The following TSPEAR variants were observed in gnomAD, a reference collection of about 807,000 sequenced individuals.
The protein encoded by TSPEAR is thrombospondin-type laminin G domain and EAR repeat-containing protein.
Under a neutral mutation model 71.6 loss-of-function variants are expected in TSPEAR, and 69 were observed. That is an observed-to-expected ratio of 0.96 (90% CI 0.79 to 1.18). TSPEAR has a LOEUF of 1.18. Among genes scored for constraint, TSPEAR ranks in the 50% most tolerant of loss-of-function variants. The probability of loss-of-function intolerance (pLI) is 0.00; values close to 1 mark genes in which losing one functional copy is unlikely to be tolerated. For missense variants in TSPEAR, 971 were observed against 894.9 expected (o/e 1.09, Z -1.09); for synonymous variants, 402 against 387.2 (o/e 1.04, Z -0.45).
Position 44,499,849 on chromosome 21 carries a change from A to G in TSPEAR, c.1944T>C (p.Gly648=). Residue 648 remains glycine, a synonymous_variant, in exon 12 of 12, where the codon GGT becomes GGC. Coordinates refer to ENST00000323084, the MANE Select transcript of TSPEAR (RefSeq NM_144991.3). ...TGGCGCTGGAGTAGATGAGGTAGGC[A>G]CCAGCCGTGGTGCTGAAGGCCTCCC... The part of the protein sequence containing the change: ...RDWEAFSTTA[G]AYLIYSSAKE... The G allele has an allele frequency of 6.3e-7, 1 of 1,598,778 alleles. No individual in the cohort carries two copies. The highest frequency in any genetic ancestry group is 8.5e-7 in the Non-Finnish European group (1 of 1,173,962).
chr21:44,612,088 T>C lies in TSPEAR; in HGVS notation c.83-44083A>G. On this transcript the variant is annotated intron_variant, in intron 1 of 11. Transcript: ENST00000323084. The surrounding 1 kb of genome is among the most constrained non-coding windows in gnomAD (Gnocchi z 4.1). ...TCACACCAGCACTCACACCACCCAGTCCAGCACCCACCATGGCTGACGCCT... is the reference window on the plus strand; with the variant it reads ...TCACACCAGCACTCACACCACCCAGCCCAGCACCCACCATGGCTGACGCCT... The C allele has an allele frequency of 6.2e-7, 1 of 1,611,308 alleles. No homozygotes were observed. Among genetic ancestry groups the C allele is most frequent in the Non-Finnish European group, 8.5e-7 (1 of 1,178,500 alleles).
chr21:44,538,405 C>T (rs920430462), intron 2 of TSPEAR, among the ~76,000 whole-genome samples: 3 of 141,586 alleles, frequency 2.1e-5, no homozygotes, highest in Middle Eastern at 7.1e-3. Context: ...TGTCCCTACA[C>T]CTGTGTGGAA....
At chr21:44,596,124 C>A (rs1912433466) in intron 1 of TSPEAR, among the ~76,000 whole-genome samples, 1 of 152,184 alleles carries the variant, frequency 6.6e-6, no homozygotes, top group Non-Finnish European at 1.5e-5. Context: ...TGATTGTTGG[C>A]AGAACTCAGT....
intron 1 of TSPEAR, chr21:44,575,378 GGT>G (rs1338109211): frequency 3.7e-6 from 1 of 273,828 alleles, no homozygotes; most frequent in Non-Finnish European, 7.3e-6. Flanking sequence ...CTGACACCCA[GGT>G]GTGTTGATTA....
Position 44,580,844 on chromosome 21 carries a change from T to C in TSPEAR, c.83-12839A>G, listed in dbSNP as rs587726436. Among the ~76,000 whole-genome samples the C allele has an allele frequency of 3.9e-5, 6 of 152,262 alleles. No homozygotes were observed. The East Asian group carries it at 1.2e-3, about 29-fold the overall frequency. On this transcript the variant is annotated intron_variant, in intron 1 of 11. Coordinates refer to ENST00000323084, the MANE Select transcript of TSPEAR (RefSeq NM_144991.3). ...AACTTGTGTGTATGTTGCAGGGCCG[T>C]GTTTCTTCATCGGTTCTTATTTTAG...
chr21:44,571,739 A>C (rs2053800600), intron 1 of TSPEAR, among the ~76,000 whole-genome samples: 1 of 152,248 alleles, frequency 6.6e-6, no homozygotes. Context: ...GCAACCACAA[A>C]ATACATAGTG....
Position 44,705,451 on chromosome 21 carries a change from C to A in TSPEAR, c.82+5982G>T, listed in dbSNP as rs577161166. On this transcript the variant is annotated intron_variant, in intron 1 of 11. Transcript: ENST00000323084. ...CTAACCGCCGGTGAGCCAGGAAGAA[C>A]AGAGCCATATTTCTCTTCTTTCAAA... Among the ~76,000 whole-genome samples, 152 of 152,354 alleles carry A rather than the reference C, an allele frequency of 1.0e-3. 1 individual carries two copies. The highest frequency in any genetic ancestry group is 3.5e-3 in the African/African-American group (145 of 41,586).
At chr21:44,643,200 T>TA (rs1421414799) in intron 1 of TSPEAR, among the ~76,000 whole-genome samples, 2 of 152,112 alleles carry the variant, frequency 1.3e-5, no homozygotes, top group Admixed American at 1.3e-4. Context: ...TTGTGGAATC[T>TA]AAAAAAGCCA....
At chr21:44,530,911 T>G in intron 4 of TSPEAR, 132 bp downstream of exon 4, 1 of 756,860 alleles carries the variant, frequency 1.3e-6, no homozygotes, top group East Asian at 2.7e-5. Context: ...TGGTAGAGAC[T>G]CCACGCACGC....
intron 9 of TSPEAR, chr21:44,518,577 G>A: frequency 1.5e-5 from 7 of 460,226 alleles, no homozygotes; most frequent in South Asian, 1.1e-4. Context: ...CAGCTGTTAG[G>A]AGACCTTGCC....
At position 44,553,493 on chromosome 21, in the gene TSPEAR, T is replaced by C. The variant is rs113197360; in HGVS notation, c.303+14292A>G. 2.1e-3 allele frequency among the ~76,000 whole-genome samples: 322 copies of C among 152,126 alleles called. 2 individuals are homozygous for C. The highest frequency in any genetic ancestry group is 5.2e-3 in the South Asian group (25 of 4,820). ...AATTTTAAGTCCAAACATGAGTTCT[T>C]CCAAACGCCGAGGTAAAGGATAAAA... On this transcript the variant is annotated intron_variant, in intron 2 of 11. Transcript: ENST00000323084.
chr21:44,546,374 G>A lies in TSPEAR; in HGVS notation c.304-12451C>T, dbSNP rs908521926. Reference sequence around the variant, plus strand: ...TTTCTCTTCAGAGTCTCGCTCTGTTGCCCAGGCTGGAGTGCAGTGGTGCGA... The same window carrying A: ...TTTCTCTTCAGAGTCTCGCTCTGTTACCCAGGCTGGAGTGCAGTGGTGCGA... On this transcript the variant is annotated intron_variant, in intron 2 of 11. Coordinates refer to ENST00000323084, the MANE Select transcript of TSPEAR (RefSeq NM_144991.3). The surrounding 1 kb of genome is among the most constrained non-coding windows in gnomAD (Gnocchi z 4.4). Among the ~76,000 whole-genome samples the A allele has an allele frequency of 4.2e-4, 64 of 152,158 alleles. No individual in the cohort carries two copies. Among genetic ancestry groups the A allele is most frequent in the Non-Finnish European group, 6.9e-4 (47 of 68,034 alleles).
intron 1 of TSPEAR, among the ~76,000 whole-genome samples, chr21:44,634,814 T>G (rs1469348825): frequency 6.6e-6 from 1 of 152,196 alleles, no homozygotes; most frequent in East Asian, 1.9e-4. Flanking sequence ...AAGATGGCTA[T>G]AATTTAACAC....
chr21:44,521,487 G>A (rs1976474), intron 9 of TSPEAR, among the ~76,000 whole-genome samples: 18,192 of 152,272 alleles, frequency 0.12, 1,262 homozygotes, highest in East Asian at 0.21. Context: ...CTGCCCAGCT[G>A]CCCCAGGGCC....
At position 44,503,919 on chromosome 21, in the gene TSPEAR, C is replaced by T. The variant is rs587774328; in HGVS notation, c.1856+861G>A. On this transcript the variant is annotated intron_variant, in intron 11 of 11. Coordinates refer to ENST00000323084, the MANE Select transcript of TSPEAR (RefSeq NM_144991.3). The stretch of plus-strand genomic sequence containing the variant: ...CAATGTGCTGGGAGGAAGCTGGCCT[C>T]GGTGAGCCCTCGGCGGGAAGCAAGG... Among the ~76,000 whole-genome samples the T allele has an allele frequency of 8.5e-4, 117 of 137,582 alleles. 1 individual carries two copies. The highest frequency in any genetic ancestry group is 3.0e-3 in the African/African-American group (104 of 34,256). The allele number at this position is 137,582 out of a possible 152,430, so 90.3% of individuals were successfully genotyped here.
chr21:44,663,440 T>C (rs184517085), intron 1 of TSPEAR, among the ~76,000 whole-genome samples: 59 of 152,192 alleles, frequency 3.9e-4, no homozygotes, highest in African/African-American at 1.3e-3. Context: ...ATCATATCTA[T>C]TAAAGAAGTT....
rs1357301977 is a variant in TSPEAR at position 44,695,305 on chromosome 21, ACT to A, written c.82+16126_82+16127del. On this transcript the variant is annotated intron_variant, in intron 1 of 11. Transcript: ENST00000323084. The surrounding 1 kb of genome is among the most constrained non-coding windows in gnomAD (Gnocchi z 4.5). The stretch of plus-strand genomic sequence containing the variant: ...TCTCAGGTACGCAAGTGCACCACAG[ACT>A]CTGATATGTACAGAACAGGCCCCTG... 6.6e-6 allele frequency among the ~76,000 whole-genome samples: 1 copy of A among 151,716 alleles called. No individual in the cohort carries two copies. Among genetic ancestry groups the A allele is most frequent in the Non-Finnish European group, 1.5e-5 (1 of 67,956 alleles).
rs979500096 is a variant in TSPEAR at position 44,596,510 on chromosome 21, G to A, written c.83-28505C>T. ...TTGCACATACCTTGTATCCACCCAGGAGTATCTACAGGATGCTTGCTTAGT... is the reference window on the plus strand; with the variant it reads ...TTGCACATACCTTGTATCCACCCAGAAGTATCTACAGGATGCTTGCTTAGT... On this transcript the variant is annotated intron_variant, in intron 1 of 11. Transcript: ENST00000323084. Among the ~76,000 whole-genome samples the A allele has an allele frequency of 3.9e-5, 6 of 152,210 alleles. No individual in the cohort carries two copies. In the South Asian group the frequency reaches 1.2e-3, roughly 31 times the overall value.
At chr21:44,570,039 A>G (rs868910019) in intron 1 of TSPEAR, among the ~76,000 whole-genome samples, 4 of 152,244 alleles carry the variant, frequency 2.6e-5, no homozygotes, top group Non-Finnish European at 4.4e-5. Flanking sequence ...ACACTGCTGC[A>G]CAGCACTGCC....
Sources: gnomAD v4.1 joint callset for allele counts (sites outside exome capture counted in the v4.1 genomes callset) on GRCh38, gnomAD v4.1.1 for gene constraint, Gnocchi (gnomAD v3.1) non-coding constraint, MANE v1.5 for transcripts, NCBI Gene and HGNC (gene_info 2026-07-23, HGNC 2026-07-21) for gene names.